Variants in PPM1G observed in about 807,000 individuals in gnomAD.
PPM1G encodes protein phosphatase, Mg2+/Mn2+ dependent 1G, also known as protein phosphatase 1G.
PPM1G carries 12 observed loss-of-function variants against 59.4 expected under a neutral mutation model. The observed-to-expected ratio is 0.20, with a 90% CI of 0.13 to 0.33. The LOEUF is 0.33. Among genes scored for constraint, PPM1G ranks in the 10% least tolerant of loss-of-function variants. The pLI, the probability that PPM1G is intolerant of heterozygous loss-of-function variation, is 1.00. For missense variants in PPM1G, 392 were observed against 681.3 expected (o/e 0.58, Z 4.73); for synonymous variants, 245 against 251.9 (o/e 0.97, Z 0.26).
chr2:27,385,168 T>C lies in PPM1G; in HGVS notation c.410-80A>G. ...TCCCTCTCACTACCTCAACAGCCCT[T>C]GCAGCCTCTAACTTCCCCACAACCT... On this transcript the variant is annotated intron_variant, in intron 4 of 9. Coordinates refer to ENST00000344034, the MANE Select transcript of PPM1G (RefSeq NM_177983.3). This position sits in a 1 kb window ranked among gnomAD's most constrained non-coding sequence, Gnocchi z 4.1. The C allele has an allele frequency of 6.8e-7, 1 of 1,472,776 alleles. No individual in the cohort carries two copies. The allele number at this position is 1,472,776 out of a possible 1,614,324, so 91.2% of individuals were successfully genotyped here. A position where few individuals can be genotyped will look rare whatever the true frequency, so the allele number is the denominator to read the frequency against.
intron 1 of PPM1G, among the ~76,000 whole-genome samples, chr2:27,399,569 G>T (rs554593628): frequency 2.6e-5 from 4 of 152,330 alleles, no homozygotes; most frequent in African/African-American, 9.6e-5. Flanking sequence ...AGCTGCTAGG[G>T]AGGCTGAGGC....
In PPM1G at chr2:27,409,470, C is replaced by T; in HGVS notation, c.-48G>A. On this transcript the variant is annotated 5_prime_UTR_variant, in exon 1 of 10. Transcript: ENST00000344034. ...CAGGTGCAGGAAAGCTGGGCGCGAC[C>T]CGTGCCGGAGCCGAAGCCCCGGGGG... 6.9e-7 allele frequency: 1 copy of T among 1,441,330 alleles called. No homozygotes were observed. Among genetic ancestry groups the T allele is most frequent in the Non-Finnish European group, 9.1e-7 (1 of 1,100,280 alleles). The allele number at this position is 1,441,330 out of a possible 1,614,324, so 89.3% of individuals were successfully genotyped here. A position where few individuals can be genotyped will look rare whatever the true frequency, so the allele number is the denominator to read the frequency against.
In PPM1G at chr2:27,383,032, C is replaced by CA. The variant is rs1683676882; in HGVS notation, c.1201+333dup. Among the ~76,000 whole-genome samples the CA allele has an allele frequency of 6.6e-6, 1 of 150,928 alleles. No individual in the cohort carries two copies. The highest frequency in any genetic ancestry group is 2.4e-5 in the African/African-American group (1 of 41,036). ...TTTTTTTTTAGTAGAGATGGGGTTTCACCATGTTGGCCAGGCTGGCCTCGA... is the reference window on the plus strand; with the variant it reads ...TTTTTTTTTAGTAGAGATGGGGTTTCAACCATGTTGGCCAGGCTGGCCTCGA... On this transcript the variant is annotated intron_variant, in intron 7 of 9. Coordinates refer to ENST00000344034, the MANE Select transcript of PPM1G (RefSeq NM_177983.3). This position sits in a 1 kb window ranked among gnomAD's most constrained non-coding sequence, Gnocchi z 5.0.
At chr2:27,401,337 C>T (rs192780073) in intron 1 of PPM1G, among the ~76,000 whole-genome samples, 12 of 152,138 alleles carry the variant, frequency 7.9e-5, no homozygotes, top group Non-Finnish European at 1.6e-4. Context: ...GTAAAAGCAT[C>T]CAGATATAAA....
chr2:27,393,191 T>C (rs999004518), intron 1 of PPM1G: 7 of 1,524,312 alleles, frequency 4.6e-6, no homozygotes, highest in African/African-American at 4.1e-5. Context: ...CCTCATGAGA[T>C]TGGTGAAGAA....
In PPM1G at chr2:27,383,295, A is replaced by C; in HGVS notation, c.1201+71T>G. 1 of 1,391,320 alleles carries C rather than the reference A, an allele frequency of 7.2e-7. No individual in the cohort carries two copies. The highest frequency in any genetic ancestry group is 1.0e-6 in the Non-Finnish European group (1 of 987,740). 86.2% of individuals were successfully genotyped at this position (1,391,320 alleles called of 1,614,324 possible). On this transcript the variant is annotated intron_variant, in intron 7 of 9. Coordinates refer to ENST00000344034, the MANE Select transcript of PPM1G (RefSeq NM_177983.3). The surrounding 1 kb of genome is among the most constrained non-coding windows in gnomAD (Gnocchi z 5.0). ...AAAGGCACAAGCACTAGGAAGATTA[A>C]AGTTTGCTACTAGGTAGTCTGGGAC...
rs1323773578 is a variant in PPM1G, at chr2:27,384,457, A to T, written c.825+216T>A. 1.3e-5 allele frequency among the ~76,000 whole-genome samples: 2 copies of T among 152,202 alleles called. No homozygotes were observed. The highest frequency in any genetic ancestry group is 2.9e-5 in the Non-Finnish European group (2 of 68,030). On this transcript the variant is annotated intron_variant, in intron 5 of 9. Transcript: ENST00000344034. The surrounding 1 kb of genome is among the most constrained non-coding windows in gnomAD (Gnocchi z 4.8). ...ACAGACTCTGAAAAGCCAGAACTAG[A>T]TCTGCTTGTTATAGTACCAACAAAG...
At position 27,385,628 on chromosome 2, in the gene PPM1G, T is replaced by G; in HGVS notation, c.409+119A>C. 7.5e-7 allele frequency: 1 copy of G among 1,329,568 alleles called. No homozygotes were observed. Among genetic ancestry groups the G allele is most frequent in the Non-Finnish European group, 1.0e-6 (1 of 982,500 alleles). The allele number at this position is 1,329,568 out of a possible 1,614,324, so 82.4% of individuals were successfully genotyped here. A position where few individuals can be genotyped will look rare whatever the true frequency, so the allele number is the denominator to read the frequency against. ...AATGCAGGAGAACATCATAGGTTTCTTTAACATAAGGACTCCCCAGGTCCC... is the reference window on the plus strand; with the variant it reads ...AATGCAGGAGAACATCATAGGTTTCGTTAACATAAGGACTCCCCAGGTCCC... On this transcript the variant is annotated intron_variant, in intron 4 of 9. Transcript: ENST00000344034. The surrounding 1 kb of genome is among the most constrained non-coding windows in gnomAD (Gnocchi z 4.1).
In PPM1G at chr2:27,409,348, C is replaced by G. The variant is rs1663459424; in HGVS notation, c.75G>C (p.Leu25=). 6 of 1,543,386 alleles carry G rather than the reference C, an allele frequency of 3.9e-6. No homozygotes were observed. The South Asian group carries it at 7.2e-5, about 18-fold the overall frequency. The change falls in exon 1 of 10, where the codon CTG becomes CTC. Residue 25 remains leucine, a synonymous_variant. Coordinates refer to ENST00000344034, the MANE Select transcript of PPM1G (RefSeq NM_177983.3). ...CTTGCATGGCGGAGAAGCCGTAGGG[C>G]AGCGGCAGGCGCGGGGCGCCGACCC... ...GDGVGAPRLP[L]PYGFSAMQGW...
intron 1 of PPM1G, chr2:27,393,301 G>A (rs763395126): frequency 6.9e-6 from 11 of 1,597,868 alleles, no homozygotes; most frequent in East Asian, 4.5e-5. Context: ...TTGATCTGGC[G>A]GTTGATGGCG....
intron 1 of PPM1G, among the ~76,000 whole-genome samples, chr2:27,407,213 G>A (rs1170734062): frequency 1.3e-5 from 2 of 151,770 alleles, no homozygotes; most frequent in Admixed American, 6.6e-5. Flanking sequence ...CAATCCGCCC[G>A]CCGCAGCCTC....
Position 27,383,736 on chromosome 2 carries a change from T to C in PPM1G, c.967-136A>G, listed in dbSNP as rs1218804751. ...TTAACAAACAGGAGAAGCACACATT[T>C]CATCTTTCTAGAGACAGCAGCACAC... On this transcript the variant is annotated intron_variant, in intron 6 of 9. Coordinates refer to ENST00000344034, the MANE Select transcript of PPM1G (RefSeq NM_177983.3). The surrounding 1 kb of genome is among the most constrained non-coding windows in gnomAD (Gnocchi z 5.0). 1 of 1,154,370 alleles carries C rather than the reference T, an allele frequency of 8.7e-7. No individual in the cohort carries two copies. The highest frequency in any genetic ancestry group is 1.2e-6 in the Non-Finnish European group (1 of 824,514). The allele number at this position is 1,154,370 out of a possible 1,614,324, so 71.5% of individuals were successfully genotyped here.
At position 27,385,948 on chromosome 2, in the gene PPM1G, G is replaced by A; in HGVS notation, c.277-69C>T. Reference sequence around the variant, plus strand: ...CCCTATATACAATCCTGAGCACAAGGATGGAATACAAATTAAGAGTGTGAG... The same window carrying A: ...CCCTATATACAATCCTGAGCACAAGAATGGAATACAAATTAAGAGTGTGAG... On this transcript the variant is annotated intron_variant, in intron 3 of 9. Transcript: ENST00000344034. This position sits in a 1 kb window ranked among gnomAD's most constrained non-coding sequence, Gnocchi z 4.1. 6.6e-7 allele frequency: 1 copy of A among 1,523,478 alleles called. No homozygotes were observed. The highest frequency in any genetic ancestry group is 8.8e-7 in the Non-Finnish European group (1 of 1,131,300). 94.4% of individuals were successfully genotyped at this position (1,523,478 alleles called of 1,614,324 possible).
chr2:27,391,755 CAG>C (rs1477948007), intron 1 of PPM1G, among the ~76,000 whole-genome samples: 2 of 147,190 alleles, frequency 1.4e-5, no homozygotes, highest in African/African-American at 2.5e-5. Flanking sequence ...TTTTTTGAGA[CAG>C]AGTCTAGCTC....
In PPM1G at chr2:27,383,696, A is replaced by AC. The variant is rs1301804099; in HGVS notation, c.967-97dup. The AC allele has an allele frequency of 7.6e-6, 10 of 1,309,306 alleles. No homozygotes were observed. Among genetic ancestry groups the AC allele is most frequent in the Non-Finnish European group, 1.0e-5 (10 of 952,980 alleles). 81.1% of individuals were successfully genotyped at this position (1,309,306 alleles called of 1,614,324 possible). A position where few individuals can be genotyped will look rare whatever the true frequency, so the allele number is the denominator to read the frequency against. Reference sequence around the variant, plus strand: ...TTCACCTATGCTTGCTTTCACTGGGACCCCCAAAAGAGCTTTAACAAACAG... The same window carrying AC: ...TTCACCTATGCTTGCTTTCACTGGGACCCCCCAAAAGAGCTTTAACAAACAG... On this transcript the variant is annotated intron_variant, in intron 6 of 9. Transcript: ENST00000344034. The surrounding 1 kb of genome is among the most constrained non-coding windows in gnomAD (Gnocchi z 5.0).
chr2:27,392,024 C>G (rs1683916844), intron 1 of PPM1G, among the ~76,000 whole-genome samples: 1 of 151,700 alleles, frequency 6.6e-6, no homozygotes, highest in Admixed American at 6.6e-5. Context: ...AGCCACTGCA[C>G]CCGGCCAGGA....
At chr2:27,408,603 A>G (rs1305259677) in intron 1 of PPM1G, among the ~76,000 whole-genome samples, 2 of 124,224 alleles carry the variant, frequency 1.6e-5, no homozygotes, top group Non-Finnish European at 3.4e-5. Context: ...GCAAATGAGA[A>G]TTACTGATTA....
chr2:27,405,697 TG>T (rs1558322833), intron 1 of PPM1G, among the ~76,000 whole-genome samples: 4 of 151,890 alleles, frequency 2.6e-5, no homozygotes, highest in Admixed American at 1.3e-4. Context: ...GACTGGCCTG[TG>T]GTATTTTGAT....
chr2:27,383,701 C>A lies in PPM1G; in HGVS notation c.967-101G>T. ...CTATGCTTGCTTTCACTGGGACCCC[C>A]AAAAGAGCTTTAACAAACAGGAGAA... On this transcript the variant is annotated intron_variant, in intron 6 of 9. Coordinates refer to ENST00000344034, the MANE Select transcript of PPM1G (RefSeq NM_177983.3). This position sits in a 1 kb window ranked among gnomAD's most constrained non-coding sequence, Gnocchi z 5.0. The A allele has an allele frequency of 3.1e-6, 4 of 1,269,842 alleles. No individual in the cohort carries two copies. Among genetic ancestry groups the A allele is most frequent in the Non-Finnish European group, 4.3e-6 (4 of 920,180 alleles). The allele number at this position is 1,269,842 out of a possible 1,614,324, so 78.7% of individuals were successfully genotyped here. A position where few individuals can be genotyped will look rare whatever the true frequency, so the allele number is the denominator to read the frequency against.
Sources: allele counts gnomAD v4.1 joint callset (sites outside exome capture counted in the v4.1 genomes callset), GRCh38; gene constraint gnomAD v4.1.1; non-coding constraint Gnocchi (gnomAD v3.1); transcripts MANE v1.5; gene names NCBI Gene and HGNC (gene_info 2026-07-23, HGNC 2026-07-21).